The following CABIN1 variants were observed in gnomAD, a reference collection of about 807,000 sequenced individuals.
CABIN1 encodes the protein calcineurin-binding protein cabin-1.
In CABIN1, 133 loss-of-function variants were observed where a neutral mutation model predicts 227.7. The ratio of observed to expected loss-of-function variants is 0.58; its 90% CI spans 0.51 to 0.67. CABIN1 has a LOEUF of 0.67. CABIN1 is among the 30% of genes least tolerant of loss of function. CABIN1 has a pLI of 0.00. For missense variants in CABIN1, 2,408 were observed against 2,852.5 expected (o/e 0.84, Z 3.55); for synonymous variants, 1,086 against 1,155.1 (o/e 0.94, Z 1.21).
At chr22:24,031,245 C>G (rs1386486518) in intron 1 of CABIN1, among the ~76,000 whole-genome samples, 1 of 152,158 alleles carries the variant, frequency 6.6e-6, no homozygotes, top group African/African-American at 2.4e-5. Flanking sequence ...GCATAAGTGC[C>G]ACTCTCTGAT....
chr22:24,129,391 A>G (rs2043929811), intron 28 of CABIN1, among the ~76,000 whole-genome samples: 1 of 152,178 alleles, frequency 6.6e-6, no homozygotes, highest in Non-Finnish European at 1.5e-5. Flanking sequence ...CCTCAAGGGC[A>G]TGGACTGTTG....
At chr22:24,022,963 G>C (rs2035829361) in intron 1 of CABIN1, among the ~76,000 whole-genome samples, 1 of 152,056 alleles carries the variant, frequency 6.6e-6, no homozygotes, top group African/African-American at 2.4e-5. Context: ...ACCATTTTAA[G>C]TGAACAATTC....
intron 15 of CABIN1, among the ~76,000 whole-genome samples, chr22:24,066,458 C>T (rs1378389908): frequency 6.6e-6 from 1 of 152,190 alleles, no homozygotes; most frequent in Non-Finnish European, 1.5e-5. Context: ...CAGCTCCAGA[C>T]CCTGCTGCAG....
chr22:24,015,872 C>T (rs1461160074), intron 1 of CABIN1, among the ~76,000 whole-genome samples: 2 of 152,086 alleles, frequency 1.3e-5, no homozygotes, highest in Non-Finnish European at 2.9e-5. Context: ...GCAGGAGTAT[C>T]GCTTGAACCC....
rs140991256 is a variant in CABIN1 at position 24,163,548 on chromosome 22, T to C, written c.4747-852T>C. On this transcript the variant is annotated intron_variant, in intron 29 of 36. Transcript: ENST00000263119. ...TGGTCCATTCTGGGCAGCAGTTTCTTCAGCGTGTTGGCTGCAGGGACCCAT... is the reference window on the plus strand; with the variant it reads ...TGGTCCATTCTGGGCAGCAGTTTCTCCAGCGTGTTGGCTGCAGGGACCCAT... Among the ~76,000 whole-genome samples, 16 of 152,302 alleles carry C rather than the reference T, an allele frequency of 1.1e-4. No individual in the cohort carries two copies. The East Asian group carries it at 3.1e-3, about 29-fold the overall frequency.
At chr22:24,079,838 C>T (rs763084806) in intron 19 of CABIN1, among the ~76,000 whole-genome samples, 21 of 152,052 alleles carry the variant, frequency 1.4e-4, no homozygotes, top group Non-Finnish European at 1.9e-4. Context: ...ACCAGTTTTA[C>T]GTGCACATAT....
intron 29 of CABIN1, among the ~76,000 whole-genome samples, chr22:24,163,554 T>G (rs1035262820): frequency 1.3e-5 from 2 of 152,172 alleles, no homozygotes; most frequent in African/African-American, 2.4e-5. Context: ...TTCTTCAGCG[T>G]GTTGGCTGCA....
At chr22:24,057,710 G>A (rs1569140314) in intron 10 of CABIN1, among the ~76,000 whole-genome samples, 1 of 152,176 alleles carries the variant, frequency 6.6e-6, no homozygotes, top group Non-Finnish European at 1.5e-5. Context: ...TTCTTAATTT[G>A]TTGTCTTTCT....
chr22:24,093,315 C>T (rs539139267), intron 24 of CABIN1, among the ~76,000 whole-genome samples: 2 of 151,200 alleles, frequency 1.3e-5, no homozygotes, highest in Non-Finnish European at 3.0e-5. Context: ...CTTTGGGAGG[C>T]CGAGGTGGGT....
intron 1 of CABIN1, among the ~76,000 whole-genome samples, chr22:24,022,305 G>A (rs544476515): frequency 6.6e-6 from 1 of 152,180 alleles, no homozygotes; most frequent in Non-Finnish European, 1.5e-5. Context: ...CCCCTGATGT[G>A]TTCTCCATCA....
intron 28 of CABIN1, among the ~76,000 whole-genome samples, chr22:24,126,559 G>A (rs1017677081): frequency 6.6e-6 from 1 of 152,006 alleles, no homozygotes; most frequent in African/African-American, 2.4e-5. Flanking sequence ...ACTAGAATCT[G>A]CTGGAAGCTG....
chr22:24,133,597 A>G (rs1602268138), intron 28 of CABIN1, among the ~76,000 whole-genome samples: 1 of 152,356 alleles, frequency 6.6e-6, no homozygotes, highest in Non-Finnish European at 1.5e-5. Context: ...GCCCATTGCC[A>G]GCCCTTTTCC....
Position 24,064,150 on chromosome 22 carries a change from C to G in CABIN1, c.2000C>G (p.Pro667Arg). The G allele has an allele frequency of 6.2e-7, 1 of 1,614,188 alleles. No individual in the cohort carries two copies. Among genetic ancestry groups the G allele is most frequent in the Non-Finnish European group, 8.5e-7 (1 of 1,180,040 alleles). The change falls in exon 15 of 37, where the codon CCC becomes CGC. Residue 667 changes from proline (P) to arginine (R), a missense_variant. Pro to Arg is a moderately radical substitution (Grantham distance 103). Transcript: ENST00000263119. ...AERRDIVIRL[P>R]NLHNDSVVSL... is the part of the protein sequence containing the mutation. ...CGAAGAGACATTGTCATCCGGCTGC[C>G]CAACCTCCATAATGACTCTGTGGTT...
intron 29 of CABIN1, among the ~76,000 whole-genome samples, chr22:24,152,344 C>G (rs1428862825): frequency 6.6e-6 from 1 of 152,210 alleles, no homozygotes; most frequent in African/African-American, 2.4e-5. Context: ...TCAAGTGGAG[C>G]TGTGGGCATC....
At chr22:24,027,752 T>A (rs2036198674) in intron 1 of CABIN1, among the ~76,000 whole-genome samples, 1 of 152,276 alleles carries the variant, frequency 6.6e-6, no homozygotes, top group South Asian at 2.1e-4. Flanking sequence ...CACGCAGTGA[T>A]GCAGTAAGGC....
chr22:24,168,857 G>A (rs896167993), intron 33 of CABIN1, among the ~76,000 whole-genome samples: 2 of 152,230 alleles, frequency 1.3e-5, no homozygotes, highest in African/African-American at 4.8e-5. Context: ...GAGCCAGTCT[G>A]GTTAGGAGCC....
intron 18 of CABIN1, 51 bp from the exon 19 acceptor site, chr22:24,076,118 C>A: frequency 7.3e-7 from 1 of 1,373,848 alleles, no homozygotes; most frequent in Non-Finnish European, 1.0e-6. Flanking sequence ...CCCCTGCAGG[C>A]ACGCAGGTTC....
At chr22:24,013,522 T>A (rs2035005226) in intron 1 of CABIN1, among the ~76,000 whole-genome samples, 1 of 152,184 alleles carries the variant, frequency 6.6e-6, no homozygotes, top group African/African-American at 2.4e-5. Context: ...TAAACTAATT[T>A]TAGATTTAGA....
chr22:24,115,532 A>G (rs749707853), intron 27 of CABIN1, among the ~76,000 whole-genome samples: 18 of 152,178 alleles, frequency 1.2e-4, no homozygotes, highest in Non-Finnish European at 2.2e-4. Flanking sequence ...GGTGAAGTTG[A>G]TCAACTTCCT....
Sources: gnomAD v4.1 joint callset for allele counts (sites outside exome capture counted in the v4.1 genomes callset) on GRCh38, gnomAD v4.1.1 for gene constraint, MANE v1.5 for transcripts, NCBI Gene and HGNC (gene_info 2026-07-23, HGNC 2026-07-21) for gene names.